Variants in LYST observed in about 807,000 individuals in gnomAD.
LYST encodes lysosomal-trafficking regulator.
LYST carries 192 observed loss-of-function variants against 413.6 expected under a neutral mutation model. The observed-to-expected ratio is 0.46, with a 90% CI of 0.41 to 0.52. The LOEUF (loss-of-function observed/expected upper bound fraction) is 0.52, where lower values mean the gene tolerates loss of function less well. Ranked by LOEUF, LYST falls within the 20% of genes least tolerant of loss-of-function variation. The probability of loss-of-function intolerance (pLI) is 0.00; values close to 1 mark genes in which losing one functional copy is unlikely to be tolerated. For synonymous variants in LYST, 1,525 were observed against 1,567.3 expected, an observed-to-expected ratio of 0.97 and a Z score of 0.64; for missense variants, 3,815 against 4,499.9, an observed-to-expected ratio of 0.85 and a Z score of 4.35.
At chr1:235,756,450 G>A (rs1027043651) in intron 24 of LYST, among the ~76,000 whole-genome samples, 3 of 152,136 alleles carry the variant, frequency 2.0e-5, no homozygotes, top group African/African-American at 7.2e-5. Flanking sequence ...ATTCTTGAAT[G>A]TAGGGGCTTA....
In LYST at chr1:235,809,908, C is replaced by T. The variant is rs564593588; in HGVS notation, c.910G>A (p.Asp304Asn). The T allele has an allele frequency of 4.5e-5, 73 of 1,613,952 alleles. No individual in the cohort carries two copies. Among genetic ancestry groups the T allele is most frequent in the South Asian group, 3.5e-4 (32 of 91,074 alleles). The change falls in exon 5 of 53, where the codon GAC becomes AAC. Residue 304 changes from aspartate (D) to asparagine (N), a missense_variant. This residue lies in a region of LYST where 1,648 missense variants were observed against 1,810.3 expected (regional missense o/e 0.91). Coordinates refer to ENST00000389793, the MANE Select transcript of LYST (RefSeq NM_000081.4). The surrounding 1 kb of genome is among the most constrained non-coding windows in gnomAD (Gnocchi z 4.0). ...AGFGDCCSLS[D>N]NLESRVVSAG... ...GAAACTACTCGACTCTCCAAGTTGTCGCTCAGACTGCAGCAGTCCCCAAAG... is the reference window on the plus strand; with the variant it reads ...GAAACTACTCGACTCTCCAAGTTGTTGCTCAGACTGCAGCAGTCCCCAAAG...
Position 235,800,891 on chromosome 1 carries a change from C to T in LYST, c.3919G>A (p.Val1307Ile). The change falls in exon 9 of 53, where the codon GTT (valine) becomes ATT (isoleucine). Residue 1307 changes from valine (V) to isoleucine (I), a missense_variant. Transcript: ENST00000389793. ...TTTACCTGTTGCATGAGCAGAAAAA[C>T]ATTCTTTTCTTTCTGCCTAATAATT... ...LKIIRQKEKN[V>I]FLLMQQGTVK... 1 of 1,611,720 alleles carries T rather than the reference C, an allele frequency of 6.2e-7. No individual in the cohort carries two copies. The highest frequency in any genetic ancestry group is 8.5e-7 in the Non-Finnish European group (1 of 1,178,156).
chr1:235,690,419 C>G (rs1660556210), intron 47 of LYST, among the ~76,000 whole-genome samples: 1 of 151,958 alleles, frequency 6.6e-6, no homozygotes, highest in Non-Finnish European at 1.5e-5. Context: ...CAAGCTTTGC[C>G]ATGATTTATG....
chr1:235,809,168 A>C lies in LYST; in HGVS notation c.1650T>G (p.Ile550Met). The C allele has an allele frequency of 6.2e-7, 1 of 1,614,084 alleles. No homozygotes were observed. The highest frequency in any genetic ancestry group is 1.1e-5 in the South Asian group (1 of 91,084). Residue 550 changes from isoleucine to methionine, a missense_variant, in exon 5 of 53, where the codon ATT becomes ATG. Transcript: ENST00000389793. This position sits in a 1 kb window ranked among gnomAD's most constrained non-coding sequence, Gnocchi z 4.0. ...GCAAGCACTGATGGGCACACACTGC[A>C]ATGCAACAGCACCGCTCAGGATAAT... ...DVYYPERCCCIAVCAHQCLRL... is the reference protein window; with the variant it reads ...DVYYPERCCCMAVCAHQCLRL...
At position 235,801,087 on chromosome 1, in the gene LYST, T is replaced by G. The variant is rs773887039; in HGVS notation, c.3723A>C (p.Leu1241Phe). ...DGETQDDGVD[L>F]KSETEGFSAS... ...CACTGAAACCTTCTGTTTCAGACTT[T>G]AAGTCTACCCCTGAAAAGAGAAAAG... is the stretch of plus-strand genomic sequence containing the variant. The change falls in exon 9 of 53, where the codon TTA becomes TTC. Residue 1241 changes from leucine to phenylalanine, a missense_variant. Physicochemically the swap from Leu to Phe is conservative, Grantham distance 22. Around this residue, in one of 4 missense-constraint regions of LYST, gnomAD observed 1,648 missense variants for 1,810.3 expected, o/e 0.91. Transcript: ENST00000389793. 6.3e-7 allele frequency: 1 copy of G among 1,599,736 alleles called. No homozygotes were observed. Among genetic ancestry groups the G allele is most frequent in the Non-Finnish European group, 8.6e-7 (1 of 1,167,530 alleles).
At chr1:235,802,683 A>C (rs571203670) in intron 8 of LYST, among the ~76,000 whole-genome samples, 1 of 152,278 alleles carries the variant, frequency 6.6e-6, no homozygotes, top group East Asian at 1.9e-4. Context: ...TCTGTCCTTC[A>C]CTCCATGTTC....
chr1:235,711,883 T>A (rs1191078686), intron 43 of LYST, among the ~76,000 whole-genome samples, 174 bp downstream of exon 43: 5 of 152,094 alleles, frequency 3.3e-5, no homozygotes, highest in Admixed American at 3.3e-4. Flanking sequence ...TATAAAATAC[T>A]TAAAATCCTC....
intron 45 of LYST, among the ~76,000 whole-genome samples, chr1:235,701,874 T>C (rs942549427): frequency 2.0e-5 from 3 of 152,274 alleles, no homozygotes; most frequent in Non-Finnish European, 4.4e-5. Context: ...ACATTTGACA[T>C]ATGTGAGCTA....
At chr1:235,719,650 T>C (rs1444056703) in intron 40 of LYST, among the ~76,000 whole-genome samples, 1 of 145,004 alleles carries the variant, frequency 6.9e-6, no homozygotes, top group Non-Finnish European at 1.5e-5. Flanking sequence ...AAGGAAAATA[T>C]ATATAAAGCT....
At chr1:235,667,709 C>A (rs1405607193) in intron 50 of LYST, among the ~76,000 whole-genome samples, 1 of 151,874 alleles carries the variant, frequency 6.6e-6, no homozygotes, top group African/African-American at 2.4e-5. Flanking sequence ...CTCTGTTGCC[C>A]AGACTGGAGT....
chr1:235,851,304 T>A (rs1241941287), intron 1 of LYST, among the ~76,000 whole-genome samples: 1 of 151,716 alleles, frequency 6.6e-6, no homozygotes, highest in South Asian at 2.1e-4. Flanking sequence ...AACTTGGGAA[T>A]GGAAAACAAA....
rs180697255 is a variant in LYST, at chr1:235,820,069, A to C, written c.193-7008T>G. Among the ~76,000 whole-genome samples, 6 of 152,378 alleles carry C rather than the reference A, an allele frequency of 3.9e-5. No homozygotes were observed. The East Asian group carries it at 1.2e-3, about 29-fold the overall frequency. On this transcript the variant is annotated intron_variant, in intron 3 of 52. Coordinates refer to ENST00000389793, the MANE Select transcript of LYST (RefSeq NM_000081.4). ...CATTGAGGTATTTTTCCATTCAAGA[A>C]ACATATTTCAAGTACCAACAAGGTG...
At chr1:235,697,819 A>C (rs1661226313) in intron 45 of LYST, among the ~76,000 whole-genome samples, 1 of 152,182 alleles carries the variant, frequency 6.6e-6, no homozygotes, top group Non-Finnish European at 1.5e-5. Context: ...ACATATTGCG[A>C]GGATTAGAGA....
intron 31 of LYST, chr1:235,738,568 T>C (rs1665035370): frequency 6.2e-7 from 1 of 1,610,754 alleles, no homozygotes; most frequent in Admixed American, 1.7e-5. Flanking sequence ...GGGTGAGTCC[T>C]TGGGGAACAT....
chr1:235,766,506 T>C (rs1668168260), intron 20 of LYST, among the ~76,000 whole-genome samples: 1 of 152,136 alleles, frequency 6.6e-6, no homozygotes. Flanking sequence ...TTCTAGCCCA[T>C]GTATCTTAAT....
At chr1:235,822,310 A>G (rs901165604) in intron 3 of LYST, among the ~76,000 whole-genome samples, 19 of 152,126 alleles carry the variant, frequency 1.2e-4, no homozygotes, top group Non-Finnish European at 1.5e-5. Context: ...ATATTCCCAG[A>G]CCCTAGAACA....
intron 38 of LYST, among the ~76,000 whole-genome samples, chr1:235,726,312 C>T (rs1663867297): frequency 6.6e-6 from 1 of 151,398 alleles, no homozygotes; most frequent in Non-Finnish European, 1.5e-5. Context: ...TGTTCTTGGT[C>T]CAAAATAATT....
intron 48 of LYST, among the ~76,000 whole-genome samples, chr1:235,678,146 A>C (rs1678798883): frequency 6.6e-6 from 1 of 152,134 alleles, no homozygotes; most frequent in African/African-American, 2.4e-5. Context: ...AAGTTTTTTA[A>C]GAAGAAATAC....
At chr1:235,670,480 G>A (rs1024438431) in intron 50 of LYST, among the ~76,000 whole-genome samples, 1 of 152,156 alleles carries the variant, frequency 6.6e-6, no homozygotes, top group Non-Finnish European at 1.5e-5. Context: ...ATTCTCCTCC[G>A]GAGAAGGGTC....
Sources: allele counts gnomAD v4.1 joint callset (sites outside exome capture counted in the v4.1 genomes callset), GRCh38; gene constraint gnomAD v4.1.1; regional missense constraint gnomAD v4.1.1; non-coding constraint Gnocchi (gnomAD v3.1); transcripts MANE v1.5; gene names NCBI Gene and HGNC (gene_info 2026-07-23, HGNC 2026-07-21).